The following PDE8B variants were observed in gnomAD, a reference collection of about 807,000 sequenced individuals.
The protein encoded by PDE8B is phosphodiesterase 8B.
Under a neutral mutation model 101.3 loss-of-function variants are expected in PDE8B, and 26 were observed. The ratio of observed to expected loss-of-function variants is 0.26; its 90% CI spans 0.19 to 0.36. The LOEUF is 0.36. Ranked by LOEUF, PDE8B falls within the 10% of genes least tolerant of loss-of-function variation. PDE8B has a pLI of 1.00. For missense variants in PDE8B, 810 were observed against 1,163.1 expected, an observed-to-expected ratio of 0.70 and a Z score of 4.42; for synonymous variants, 424 against 429.3, an observed-to-expected ratio of 0.99 and a Z score of 0.15.
chr5:77,127,944 T>G, the PDE8B span, among the ~76,000 whole-genome samples: 1 of 152,236 alleles, frequency 6.6e-6, no homozygotes, highest in Non-Finnish European at 1.5e-5. Flanking sequence ...TGTCAACTGT[T>G]GTCTTAATCT....
chr5:77,311,460 A>G (rs934919216), intron 1 of PDE8B, among the ~76,000 whole-genome samples: 7 of 152,226 alleles, frequency 4.6e-5, no homozygotes, highest in African/African-American at 1.7e-4. Flanking sequence ...GGTAAATGTG[A>G]GTAAGACTAA....
At chr5:77,330,874 G>A (rs1713057870) in intron 4 of PDE8B, among the ~76,000 whole-genome samples, 1 of 152,160 alleles carries the variant, frequency 6.6e-6, no homozygotes, top group Non-Finnish European at 1.5e-5. Context: ...GAAATGAGTA[G>A]CAATTATCCA....
Position 77,386,865 on chromosome 5 carries a change from C to CTTTTTTTT in PDE8B, c.1168-13361_1168-13354dup, listed in dbSNP as rs59393259. On this transcript the variant is annotated intron_variant, in intron 10 of 21. Transcript: ENST00000264917. Reference sequence around the variant, plus strand: ...TTTTGCCTGTTAGTTGATGTAGTTTCTTTTTTTTTTTTTTTTTTTTTTTTT... The same window carrying CTTTTTTTT: ...TTTTGCCTGTTAGTTGATGTAGTTTCTTTTTTTTTTTTTTTTTTTTTTTTTTTTTTTTT... 5.7e-4 allele frequency among the ~76,000 whole-genome samples: 29 copies of CTTTTTTTT among 51,080 alleles called. 5 individuals are homozygous for CTTTTTTTT. Among genetic ancestry groups the CTTTTTTTT allele is most frequent in the African/African-American group, 2.0e-3 (22 of 10,756 alleles). The allele number at this position is 51,080 out of a possible 152,430, so 33.5% of individuals were successfully genotyped here. A position where few individuals can be genotyped will look rare whatever the true frequency, so the allele number is the denominator to read the frequency against.
the PDE8B span, among the ~76,000 whole-genome samples, chr5:77,123,331 C>T: frequency 6.6e-6 from 1 of 151,982 alleles, no homozygotes; most frequent in Non-Finnish European, 1.5e-5. Context: ...AAGGTGCCGC[C>T]TCTCAAATAC....
chr5:77,098,203 A>G, the PDE8B span, among the ~76,000 whole-genome samples: 1 of 151,882 alleles, frequency 6.6e-6, no homozygotes. Flanking sequence ...TATACTGATG[A>G]TGATTGTAAC....
chr5:77,377,287 G>C (rs1786320119), intron 10 of PDE8B, among the ~76,000 whole-genome samples: 1 of 152,194 alleles, frequency 6.6e-6, no homozygotes, highest in Admixed American at 6.5e-5. Context: ...AAGAGAACCA[G>C]CATGATCTGG....
chr5:77,176,575 C>T, the PDE8B span, among the ~76,000 whole-genome samples: 1 of 152,160 alleles, frequency 6.6e-6, no homozygotes, highest in African/African-American at 2.4e-5. Context: ...ACTACCTACT[C>T]GCCCAGGTTA....
chr5:77,316,710 G>A (rs1561516591), intron 2 of PDE8B, among the ~76,000 whole-genome samples: 1 of 151,992 alleles, frequency 6.6e-6, no homozygotes, highest in South Asian at 2.1e-4. Context: ...ATTATATGTG[G>A]CATATTAAAA....
At chr5:77,209,035 G>T (rs1327375191), upstream of PDE8B, among the ~76,000 whole-genome samples, 1 of 152,052 alleles carries the variant, frequency 6.6e-6, no homozygotes, top group Non-Finnish European at 1.5e-5. Flanking sequence ...TTCCTAAAAA[G>T]CCTCCCTCTG....
chr5:77,266,945 A>G (rs536565998), intron 1 of PDE8B, among the ~76,000 whole-genome samples: 2 of 152,160 alleles, frequency 1.3e-5, no homozygotes, highest in South Asian at 4.2e-4. Flanking sequence ...AAAACTTGTC[A>G]GATTCATCTT....
chr5:77,231,551 A>T (rs1416921017), intron 1 of PDE8B, among the ~76,000 whole-genome samples: 1 of 152,200 alleles, frequency 6.6e-6, no homozygotes, highest in Non-Finnish European at 1.5e-5. Context: ...AATGGTAACA[A>T]TGTCAAAAGG....
intron 10 of PDE8B, among the ~76,000 whole-genome samples, chr5:77,385,931 G>A (rs1460588032): frequency 6.6e-6 from 1 of 151,264 alleles, no homozygotes; most frequent in Non-Finnish European, 1.5e-5. Context: ...TGGGATTACA[G>A]GTGTGCATCA....
chr5:77,238,768 T>A lies in PDE8B; in HGVS notation c.339+27504T>A, dbSNP rs1261641609. Among the ~76,000 whole-genome samples the A allele has an allele frequency of 3.3e-5, 5 of 152,158 alleles. No homozygotes were observed. The East Asian group carries it at 9.6e-4, about 29-fold the overall frequency. On this transcript the variant is annotated intron_variant, in intron 1 of 21. Transcript: ENST00000264917. The stretch of plus-strand genomic sequence containing the variant: ...GGTCTGAGAACCAGCAGAGTCAATG[T>A]GTAAATTCTAGTACGAGTCCAAAGG...
intron 1 of PDE8B, among the ~76,000 whole-genome samples, chr5:77,244,425 A>G (rs1756447557): frequency 6.6e-6 from 1 of 152,124 alleles, no homozygotes; most frequent in Non-Finnish European, 1.5e-5. Context: ...GGAAAGAGAA[A>G]TGATCTGGGT....
At chr5:77,107,569 C>A in the PDE8B span, among the ~76,000 whole-genome samples, 2 of 152,090 alleles carry the variant, frequency 1.3e-5, no homozygotes, top group African/African-American at 4.8e-5. Flanking sequence ...TCGAATAGAA[C>A]TGATGAGAGA....
chr5:77,255,382 A>T (rs905020556), intron 1 of PDE8B, among the ~76,000 whole-genome samples: 4 of 152,204 alleles, frequency 2.6e-5, no homozygotes, highest in Non-Finnish European at 4.4e-5. Context: ...ACAGGGCCCT[A>T]TTCTCAGAAG....
chr5:77,377,579 T>TA (rs1158149424), intron 10 of PDE8B, among the ~76,000 whole-genome samples: 1 of 152,190 alleles, frequency 6.6e-6, no homozygotes, highest in Non-Finnish European at 1.5e-5. Flanking sequence ...TTGACTAGCT[T>TA]AAAAAAGATA....
At chr5:77,300,230 G>A (rs545530445) in intron 1 of PDE8B, among the ~76,000 whole-genome samples, 161 of 152,328 alleles carry the variant, frequency 1.1e-3, no homozygotes, top group Middle Eastern at 0.01. Flanking sequence ...ACGAGAATAC[G>A]TTACTCAGCC....
chr5:77,269,254 C>T (rs1762313599), intron 1 of PDE8B, among the ~76,000 whole-genome samples: 1 of 151,962 alleles, frequency 6.6e-6, no homozygotes, highest in South Asian at 2.1e-4. Flanking sequence ...TTTTATATAC[C>T]TGTTTGCCAT....
Sources: gnomAD v4.1 joint callset for allele counts (sites outside exome capture counted in the v4.1 genomes callset) on GRCh38, gnomAD v4.1.1 for gene constraint, MANE v1.5 for transcripts, NCBI Gene and HGNC (gene_info 2026-07-23, HGNC 2026-07-21) for gene names.